The following PCDH9 variants were observed in gnomAD, a reference collection of about 807,000 sequenced individuals.
The protein encoded by PCDH9 is protocadherin 9, also known as protocadherin-9.
Under a neutral mutation model 70.6 loss-of-function variants are expected in PCDH9, and 24 were observed. The ratio of observed to expected loss-of-function variants is 0.34; its 90% CI spans 0.25 to 0.48. The LOEUF is 0.48. PCDH9 is among the 20% of genes least tolerant of loss of function. The pLI, the probability that PCDH9 is intolerant of heterozygous loss-of-function variation, is 0.99. For synonymous variants in PCDH9, 562 were observed against 558.5 expected (o/e 1.01, Z -0.09); for missense variants, 1,281 against 1,503.6 (o/e 0.85, Z 2.45).
intron 2 of PCDH9, among the ~76,000 whole-genome samples, chr13:66,988,283 T>C (rs573978342): frequency 6.6e-6 from 1 of 152,062 alleles, no homozygotes; most frequent in Non-Finnish European, 1.5e-5. Flanking sequence ...AATTAAACCT[T>C]GTATTTTACA....
intron 3 of PCDH9, among the ~76,000 whole-genome samples, chr13:66,766,469 C>G (rs1434426812): frequency 6.6e-6 from 1 of 152,040 alleles, no homozygotes; most frequent in Non-Finnish European, 1.5e-5. Flanking sequence ...TATCAAAACA[C>G]TATCCTCACA....
At chr13:66,906,179 T>C (rs2082357180) in intron 2 of PCDH9, among the ~76,000 whole-genome samples, 1 of 152,180 alleles carries the variant, frequency 6.6e-6, no homozygotes, top group Non-Finnish European at 1.5e-5. Context: ...AGAGCATGCA[T>C]AGACTCCCAG....
At chr13:66,644,406 A>G (rs960135167) in intron 3 of PCDH9, among the ~76,000 whole-genome samples, 1 of 151,958 alleles carries the variant, frequency 6.6e-6, no homozygotes, top group African/African-American at 2.4e-5. Flanking sequence ...CTTTGGGCAC[A>G]ATTTTTCTGT....
chr13:66,650,745 G>C (rs2077839623), intron 3 of PCDH9, among the ~76,000 whole-genome samples: 1 of 151,776 alleles, frequency 6.6e-6, no homozygotes, highest in Non-Finnish European at 1.5e-5. Flanking sequence ...ATTCTCCTCA[G>C]TACATGAATC....
chr13:66,376,824 A>G (rs530488299), intron 4 of PCDH9, among the ~76,000 whole-genome samples: 2 of 152,320 alleles, frequency 1.3e-5, no homozygotes, highest in East Asian at 3.9e-4. Flanking sequence ...TTCTGGCAAT[A>G]CATTAAAAAA....
chr13:67,172,183 T>C (rs2088305216), intron 2 of PCDH9, among the ~76,000 whole-genome samples: 1 of 152,150 alleles, frequency 6.6e-6, no homozygotes, highest in Non-Finnish European at 1.5e-5. Flanking sequence ...CCTTCAAATC[T>C]CAAGTAAATG....
chr13:67,071,328 C>T (rs2085757565), intron 2 of PCDH9, among the ~76,000 whole-genome samples: 1 of 151,978 alleles, frequency 6.6e-6, no homozygotes, highest in South Asian at 2.1e-4. Context: ...ATATAAAAAG[C>T]CAATTGATAT....
At chr13:66,898,707 T>A (rs530460924) in intron 3 of PCDH9, among the ~76,000 whole-genome samples, 19 of 152,028 alleles carry the variant, frequency 1.2e-4, no homozygotes, top group Non-Finnish European at 2.7e-4. Context: ...AAAAAGAAAA[T>A]AAAAGACCAA....
chr13:66,681,288 C>A (rs2078315846), intron 3 of PCDH9, among the ~76,000 whole-genome samples: 1 of 152,080 alleles, frequency 6.6e-6, no homozygotes, highest in South Asian at 2.1e-4. Flanking sequence ...TAAACAACTG[C>A]ATTATATGGT....
At chr13:66,543,027 TATA>T (rs568699251) in intron 4 of PCDH9, among the ~76,000 whole-genome samples, 1 of 151,732 alleles carries the variant, frequency 6.6e-6, no homozygotes, top group Non-Finnish European at 1.5e-5. Context: ...AATATACAAA[TATA>T]ATAATAATGG....
intron 3 of PCDH9, among the ~76,000 whole-genome samples, chr13:66,807,048 T>C (rs2139352492): frequency 6.6e-6 from 1 of 152,318 alleles, no homozygotes; most frequent in African/African-American, 2.4e-5. Context: ...TAAGCTCCAC[T>C]AACATTCTCA....
At position 66,419,126 on chromosome 13, in the gene PCDH9, C is replaced by T. The variant is rs538691742; in HGVS notation, c.3341-114098G>A. On this transcript the variant is annotated intron_variant, in intron 4 of 4. Transcript: ENST00000377865. ...CCTACCAACCAAAAAAAGCCCAGGA[C>T]CAGACGGATTTTCTATTGTTTGAAA... 7.9e-5 allele frequency among the ~76,000 whole-genome samples: 12 copies of T among 152,108 alleles called. No individual in the cohort carries two copies. The South Asian group carries it at 2.5e-3, about 32-fold the overall frequency.
At chr13:66,450,636 C>A (rs1458448547) in intron 4 of PCDH9, among the ~76,000 whole-genome samples, 1 of 152,160 alleles carries the variant, frequency 6.6e-6, no homozygotes, top group Admixed American at 6.5e-5. Context: ...GGAGTTGTGA[C>A]ACTGCCAATG....
At chr13:67,177,816 A>G (rs2088504936) in intron 2 of PCDH9, among the ~76,000 whole-genome samples, 2 of 152,100 alleles carry the variant, frequency 1.3e-5, no homozygotes, top group Admixed American at 1.3e-4. Context: ...AGTTGCTTCA[A>G]TCTCAGCATG....
chr13:67,101,722 A>G (rs1566425641), intron 2 of PCDH9, among the ~76,000 whole-genome samples: 1 of 148,818 alleles, frequency 6.7e-6, no homozygotes, highest in Non-Finnish European at 1.5e-5. Flanking sequence ...TAATCTACTG[A>G]TTTTTAACTC....
intron 2 of PCDH9, among the ~76,000 whole-genome samples, chr13:67,174,865 A>G (rs555309364): frequency 6.6e-6 from 1 of 152,022 alleles, no homozygotes; most frequent in South Asian, 2.1e-4. Context: ...ATTAAATTCA[A>G]TAGGTCTTTA....
chr13:67,007,256 C>T (rs2139833432), intron 2 of PCDH9, among the ~76,000 whole-genome samples: 1 of 151,324 alleles, frequency 6.6e-6, no homozygotes, highest in South Asian at 2.1e-4. Flanking sequence ...TATTGTACAG[C>T]CACCAAAAAA....
chr13:66,921,095 A>T (rs532599029), intron 2 of PCDH9, among the ~76,000 whole-genome samples: 1 of 151,262 alleles, frequency 6.6e-6, no homozygotes, highest in African/African-American at 2.4e-5. Context: ...ACTTAACCTC[A>T]TAGAAGTTCT....
intron 4 of PCDH9, among the ~76,000 whole-genome samples, chr13:66,503,695 T>C (rs1959189101): frequency 6.6e-6 from 1 of 152,178 alleles, no homozygotes; most frequent in African/African-American, 2.4e-5. Context: ...AAAGATAATA[T>C]AAGTGAAAGC....
Sources: allele counts gnomAD v4.1 joint callset (sites outside exome capture counted in the v4.1 genomes callset), GRCh38; gene constraint gnomAD v4.1.1; transcripts MANE v1.5; gene names NCBI Gene and HGNC (gene_info 2026-07-23, HGNC 2026-07-21).